The following SLAIN1 variants were observed in gnomAD, a reference collection of about 807,000 sequenced individuals.
The protein encoded by SLAIN1 is SLAIN family member 1.
A neutral mutation model predicts 55.4 loss-of-function variants in SLAIN1; 17 were observed. The ratio of observed to expected loss-of-function variants is 0.31; its 90% CI spans 0.21 to 0.46. The LOEUF is 0.46. Ranked by LOEUF, SLAIN1 falls within the 20% of genes least tolerant of loss-of-function variation. The pLI is 1.00. For synonymous variants in SLAIN1, 348 were observed against 337.4 expected (o/e 1.03, Z -0.35); for missense variants, 682 against 785.1 (o/e 0.87, Z 1.57).
intron 2 of SLAIN1, among the ~76,000 whole-genome samples, chr13:77,719,908 A>AAC (rs2091245204): frequency 6.6e-6 from 1 of 152,116 alleles, no homozygotes; most frequent in Non-Finnish European, 1.5e-5. Flanking sequence ...GCAATGTAGG[A>AAC]ACACACAAAT....
At chr13:77,743,457 A>G (rs188491051) in intron 2 of SLAIN1, 1 of 157,064 alleles carries the variant, frequency 6.4e-6, no homozygotes, top group Non-Finnish European at 1.4e-5. Context: ...GTCAAACACA[A>G]TTAAGGTAGT....
At chr13:77,733,456 T>G (rs1267773132) in intron 2 of SLAIN1, among the ~76,000 whole-genome samples, 2 of 152,186 alleles carry the variant, frequency 1.3e-5, no homozygotes, top group African/African-American at 4.8e-5. Context: ...TCATAGGTAC[T>G]CATACATATA....
intron 1 of SLAIN1, among the ~76,000 whole-genome samples, chr13:77,714,674 C>A (rs2091188653): frequency 6.6e-6 from 1 of 152,090 alleles, no homozygotes; most frequent in Non-Finnish European, 1.5e-5. Flanking sequence ...TTAAAAACTG[C>A]TTTATTGGAA....
intron 4 of SLAIN1, among the ~76,000 whole-genome samples, chr13:77,751,419 A>G (rs749609747): frequency 3.3e-5 from 5 of 152,230 alleles, no homozygotes; most frequent in Non-Finnish European, 5.9e-5. Context: ...GGTCTAGACT[A>G]TAAACCTAGA....
chr13:77,754,988 A>G (rs910095086), intron 5 of SLAIN1, among the ~76,000 whole-genome samples: 31 of 152,220 alleles, frequency 2.0e-4, no homozygotes, highest in South Asian at 2.1e-4. Context: ...AAATTTGCCA[A>G]TAGTAGAAAC....
At chr13:77,758,239 C>G (rs970883671) in intron 5 of SLAIN1, among the ~76,000 whole-genome samples, 1 of 151,932 alleles carries the variant, frequency 6.6e-6, no homozygotes, top group Non-Finnish European at 1.5e-5. Context: ...TGAGAAATGT[C>G]AATTCATGCT....
chr13:77,706,814 A>G (rs991848662), intron 1 of SLAIN1, among the ~76,000 whole-genome samples: 1 of 152,188 alleles, frequency 6.6e-6, no homozygotes, highest in Non-Finnish European at 1.5e-5. Context: ...TGGACTGGCT[A>G]TAAAAGTCTA....
intron 2 of SLAIN1, among the ~76,000 whole-genome samples, chr13:77,720,488 T>C (rs1312918670): frequency 2.6e-5 from 4 of 152,186 alleles, no homozygotes; most frequent in Non-Finnish European, 5.9e-5. Flanking sequence ...TACACTGATA[T>C]TTGAGAACGC....
chr13:77,738,937 TC>T (rs1411539847), intron 2 of SLAIN1, among the ~76,000 whole-genome samples: 2 of 152,112 alleles, frequency 1.3e-5, no homozygotes, highest in Admixed American at 6.6e-5. Context: ...TTTGTTGCCT[TC>T]TTGCATGGTT....
In SLAIN1 at chr13:77,761,075, C is replaced by T. The variant is rs772011271; in HGVS notation, c.1662C>T (p.Asn554=). Reference sequence around the variant, plus strand: ...CTTCGTTGGCAATAAATGGGAGTAACCTGCCTCGAAGCAAAATTGCACAAC... The same window carrying T: ...CTTCGTTGGCAATAAATGGGAGTAATCTGCCTCGAAGCAAAATTGCACAAC... ...PRPSLAINGS[N]LPRSKIAQPV... is the part of the protein sequence containing the mutation. The change falls in exon 6 of 7, where the codon AAC becomes AAT. Residue 554 remains asparagine, a synonymous_variant. Transcript: ENST00000418532. 3 of 1,614,028 alleles carry T rather than the reference C, an allele frequency of 1.9e-6. No individual in the cohort carries two copies. The highest frequency in any genetic ancestry group is 2.2e-5 in the South Asian group (2 of 91,078).
intron 1 of SLAIN1, among the ~76,000 whole-genome samples, chr13:77,707,128 CTTTT>C (rs764047265): frequency 1.9e-4 from 28 of 148,714 alleles, no homozygotes; most frequent in African/African-American, 6.7e-4. Flanking sequence ...TTCTTTCTTT[CTTTT>C]TTTTAAGAAC....
chr13:77,742,578 T>C (rs1411211474), intron 2 of SLAIN1, among the ~76,000 whole-genome samples: 2 of 151,932 alleles, frequency 1.3e-5, no homozygotes, highest in East Asian at 1.9e-4. Context: ...AGAAAAAATA[T>C]AGAATTACAT....
intron 1 of SLAIN1, among the ~76,000 whole-genome samples, chr13:77,709,486 G>T (rs2091124599): frequency 6.6e-6 from 1 of 152,154 alleles, no homozygotes; most frequent in Non-Finnish European, 1.5e-5. Context: ...GAAATGAAGG[G>T]AATAAAGTTA....
chr13:77,729,002 T>G (rs2091332950), intron 2 of SLAIN1, among the ~76,000 whole-genome samples: 1 of 152,224 alleles, frequency 6.6e-6, no homozygotes, highest in Non-Finnish European at 1.5e-5. Flanking sequence ...TCCTGATACA[T>G]GCTATCATTC....
rs187298521 is a variant in SLAIN1, at chr13:77,751,579, A to G, written c.1259-1624A>G. 6.6e-5 allele frequency among the ~76,000 whole-genome samples: 10 copies of G among 152,246 alleles called. No homozygotes were observed. The East Asian group carries it at 1.5e-3, about 24-fold the overall frequency. On this transcript the variant is annotated intron_variant, in intron 4 of 6. Coordinates refer to ENST00000418532, the MANE Select transcript of SLAIN1 (RefSeq NM_001242868.2). ...GTTCATTTGTTCCTTCTCCAAAGTGAGGTTGGGTGTCCACATGGAGGGACC... is the reference window on the plus strand; with the variant it reads ...GTTCATTTGTTCCTTCTCCAAAGTGGGGTTGGGTGTCCACATGGAGGGACC...
At chr13:77,727,448 A>AC (rs781024315) in intron 2 of SLAIN1, among the ~76,000 whole-genome samples, 2 of 149,924 alleles carry the variant, frequency 1.3e-5, no homozygotes, top group Admixed American at 1.3e-4. Context: ...AAAAAAAAAA[A>AC]CAAAACAATT....
chr13:77,708,655 C>T (rs1011538879), intron 1 of SLAIN1, among the ~76,000 whole-genome samples: 2 of 152,134 alleles, frequency 1.3e-5, no homozygotes, highest in Non-Finnish European at 2.9e-5. Flanking sequence ...CCCCAGCAGA[C>T]CTGCAGCAGA....
chr13:77,720,365 C>T (rs544185306), intron 2 of SLAIN1, among the ~76,000 whole-genome samples: 1 of 152,184 alleles, frequency 6.6e-6, no homozygotes, highest in East Asian at 1.9e-4. Flanking sequence ...GCATCCAAAT[C>T]ATACATGAGC....
rs886327495 is a variant in SLAIN1, at chr13:77,761,093, T to C, written c.1680T>C (p.Ile560=). 3 of 1,614,116 alleles carry C rather than the reference T, an allele frequency of 1.9e-6. No individual in the cohort carries two copies. Among genetic ancestry groups the C allele is most frequent in the Non-Finnish European group, 2.5e-6 (3 of 1,179,984 alleles). The change falls in exon 6 of 7, where the codon ATT becomes ATC. Residue 560 remains isoleucine, a synonymous_variant. Coordinates refer to ENST00000418532, the MANE Select transcript of SLAIN1 (RefSeq NM_001242868.2). ...GGAGTAACCTGCCTCGAAGCAAAAT[T>C]GCACAACCTGTTAGAAGGTAAGAAT... ...INGSNLPRSK[I]AQPVRSFLQP...
Sources: allele counts gnomAD v4.1 joint callset (sites outside exome capture counted in the v4.1 genomes callset), GRCh38; gene constraint gnomAD v4.1.1; transcripts MANE v1.5; gene names NCBI Gene and HGNC (gene_info 2026-07-23, HGNC 2026-07-21).